The following OSBPL8 variants were observed in gnomAD, a reference collection of about 807,000 sequenced individuals.
OSBPL8 encodes oxysterol-binding protein-related protein 8.
A neutral mutation model predicts 125.5 loss-of-function variants in OSBPL8; 59 were observed. That is an observed-to-expected ratio of 0.47 (90% confidence interval 0.38 to 0.58). The LOEUF is 0.58. Among genes scored for constraint, OSBPL8 ranks in the 20% least tolerant of loss-of-function variants. The pLI is 0.00. For missense variants in OSBPL8, 758 were observed against 1,047.8 expected, an observed-to-expected ratio of 0.72 and a Z score of 3.82; for synonymous variants, 330 against 338.9, an observed-to-expected ratio of 0.97 and a Z score of 0.29.
chr12:76,455,944 GT>G (rs1873982963), intron 3 of OSBPL8, among the ~76,000 whole-genome samples: 1 of 152,138 alleles, frequency 6.6e-6, no homozygotes. Flanking sequence ...GCCCTCTGCT[GT>G]TTCTACTTCA....
intron 1 of OSBPL8, among the ~76,000 whole-genome samples, chr12:76,493,199 G>A (rs970740774): frequency 6.6e-6 from 1 of 152,168 alleles, no homozygotes; most frequent in Non-Finnish European, 1.5e-5. Flanking sequence ...GGATTGTTGA[G>A]AGGACCCCAA....
At chr12:76,490,599 T>C (rs374227286) in intron 1 of OSBPL8, among the ~76,000 whole-genome samples, 2 of 152,344 alleles carry the variant, frequency 1.3e-5, no homozygotes, top group African/African-American at 4.8e-5. Flanking sequence ...TAAGAGCCAC[T>C]TTCATGGCAA....
chr12:76,369,323 A>AAC, intron 20 of OSBPL8, 22 bp from the exon 21 acceptor site: 1 of 1,574,416 alleles, frequency 6.4e-7, no homozygotes, highest in Non-Finnish European at 8.6e-7. Flanking sequence ...AAAAAAAAAA[A>AAC]AACCATTTGC....
intron 11 of OSBPL8, 127 bp from the exon 12 acceptor site, chr12:76,389,956 C>A: frequency 3.0e-6 from 2 of 659,898 alleles, no homozygotes; most frequent in South Asian, 1.2e-4. Flanking sequence ...AATGTGGAAA[C>A]AAAAAATAAT....
intron 2 of OSBPL8, among the ~76,000 whole-genome samples, chr12:76,485,597 T>A (rs996240384): frequency 9.2e-5 from 14 of 152,188 alleles, no homozygotes; most frequent in African/African-American, 1.4e-4. Context: ...TAAAATGTAA[T>A]AACATTTACT....
chr12:76,422,663 G>A (rs1405017965), intron 4 of OSBPL8: 1 of 456,074 alleles, frequency 2.2e-6, no homozygotes, highest in Non-Finnish European at 4.4e-6. Context: ...AGCTCAGAAG[G>A]TCTATTTAAT....
At chr12:76,510,900 A>G (rs1007337751) in intron 1 of OSBPL8, among the ~76,000 whole-genome samples, 5 of 146,874 alleles carry the variant, frequency 3.4e-5, no homozygotes, top group African/African-American at 7.4e-5. Context: ...AAAAAAAAAT[A>G]TATTTACCTC....
At chr12:76,527,576 G>A (rs1281774326) in intron 1 of OSBPL8, among the ~76,000 whole-genome samples, 1 of 152,116 alleles carries the variant, frequency 6.6e-6, no homozygotes, top group Admixed American at 6.5e-5. Flanking sequence ...AGCTCTACGG[G>A]TAGTTCTTTA....
Position 76,442,784 on chromosome 12 carries a change from G to T in OSBPL8, c.217+8067C>A, listed in dbSNP as rs1592690653. On this transcript the variant is annotated intron_variant, in intron 4 of 23. Transcript: ENST00000261183. ...ACTGCTTCAATTCATGGAGGAAAAT[G>T]ATTTCTAGGTCTTTCTTATCTGTGA... 3.3e-5 allele frequency among the ~76,000 whole-genome samples: 5 copies of T among 152,170 alleles called. No homozygotes were observed. The South Asian group carries it at 1.0e-3, about 31-fold the overall frequency.
chr12:76,433,955 A>G (rs932676363), intron 4 of OSBPL8, among the ~76,000 whole-genome samples: 36 of 142,912 alleles, frequency 2.5e-4, no homozygotes, highest in Non-Finnish European at 4.3e-4. Flanking sequence ...AGCTTGGGCA[A>G]CAGAGTGAGA....
chr12:76,418,648 T>C (rs912533175), intron 4 of OSBPL8, among the ~76,000 whole-genome samples: 1 of 151,872 alleles, frequency 6.6e-6, no homozygotes, highest in African/African-American at 2.4e-5. Context: ...CTGGCCAACA[T>C]GGTGAAACCC....
At position 76,507,085 on chromosome 12, in the gene OSBPL8, T is replaced by G. The variant is rs148453355; in HGVS notation, c.-67-19467A>C. Among the ~76,000 whole-genome samples the G allele has an allele frequency of 2.2e-3, 331 of 151,852 alleles. 1 individual carries two copies. The highest frequency in any genetic ancestry group is 4.2e-3 in the Admixed American group (65 of 15,298). On this transcript the variant is annotated intron_variant, in intron 1 of 23. Transcript: ENST00000261183. ...AAAACTGCCAAACTAAAGCCAGGCC[T>G]GCATCCTAATTTAAATATAATTACT...
Position 76,425,689 on chromosome 12 carries a change from C to T in OSBPL8, c.218-15055G>A, listed in dbSNP as rs544543003. On this transcript the variant is annotated intron_variant, in intron 4 of 23. Transcript: ENST00000261183. ...ATGCTGATAAAACTTCTTCTCTGTT[C>T]CTTCAAGCTGATGTTTGGATCAGCT... Among the ~76,000 whole-genome samples, 261 of 152,298 alleles carry T rather than the reference C, an allele frequency of 1.7e-3. 2 individuals carry two copies. Among genetic ancestry groups the T allele is most frequent in the Non-Finnish European group, 1.1e-3 (76 of 68,018 alleles).
intron 1 of OSBPL8, among the ~76,000 whole-genome samples, chr12:76,498,159 C>T (rs1386910057): frequency 2.0e-5 from 3 of 152,192 alleles, no homozygotes; most frequent in African/African-American, 7.2e-5. Context: ...AACCCTAGCA[C>T]TTTGGGAGGC....
intron 18 of OSBPL8, chr12:76,371,787 A>G: frequency 2.6e-6 from 1 of 389,124 alleles, no homozygotes; most frequent in Non-Finnish European, 4.2e-6. Flanking sequence ...ACGTAATACT[A>G]GTTAATTAAA....
chr12:76,494,374 C>T (rs1217055683), intron 1 of OSBPL8, among the ~76,000 whole-genome samples: 1 of 152,122 alleles, frequency 6.6e-6, no homozygotes, highest in Non-Finnish European at 1.5e-5. Context: ...TGAGAACCCA[C>T]TGGAGGGTTC....
chr12:76,424,504 A>G (rs1266642263), intron 4 of OSBPL8, among the ~76,000 whole-genome samples: 1 of 152,232 alleles, frequency 6.6e-6, no homozygotes, highest in East Asian at 1.9e-4. Context: ...AATAATTATA[A>G]TTCATGTAAT....
intron 1 of OSBPL8, among the ~76,000 whole-genome samples, chr12:76,497,476 C>T (rs1454847465): frequency 6.6e-6 from 1 of 152,084 alleles, no homozygotes; most frequent in Non-Finnish European, 1.5e-5. Flanking sequence ...CAAATCTTGC[C>T]CTCACAGTTT....
At chr12:76,548,335 G>T (rs1950839674) in intron 1 of OSBPL8, among the ~76,000 whole-genome samples, 2 of 152,116 alleles carry the variant, frequency 1.3e-5, no homozygotes, top group African/African-American at 4.8e-5. Context: ...GAAAGGATGG[G>T]AACCAATACG....
Sources: gnomAD v4.1 joint callset for allele counts (sites outside exome capture counted in the v4.1 genomes callset) on GRCh38, gnomAD v4.1.1 for gene constraint, MANE v1.5 for transcripts, NCBI Gene and HGNC (gene_info 2026-07-23, HGNC 2026-07-21) for gene names.